TRMT11: variants seen among roughly 807,000 people sequenced by gnomAD.
The protein encoded by TRMT11 is tRNA methyltransferase 11, also known as tRNA (guanine(10)-N(2))-methyltransferase TRMT11.
Under a neutral mutation model 62.8 loss-of-function variants are expected in TRMT11, and 53 were observed. The ratio of observed to expected loss-of-function variants is 0.84; its 90% CI spans 0.68 to 1.06. The LOEUF (loss-of-function observed/expected upper bound fraction) is 1.06. Ranked by LOEUF, TRMT11 falls within the 50% of genes least tolerant of loss-of-function variation. TRMT11 has a pLI of 0.00. For synonymous variants in TRMT11, 188 were observed against 190.3 expected, an observed-to-expected ratio of 0.99 and a Z score of 0.10; for missense variants, 556 against 553.4, an observed-to-expected ratio of 1.00 and a Z score of -0.05.
At chr6:126,226,543 T>C in the TRMT11 span, among the ~76,000 whole-genome samples, 7 of 152,154 alleles carry the variant, frequency 4.6e-5, no homozygotes, top group African/African-American at 1.7e-4. Flanking sequence ...AATTTCTATA[T>C]GGAAATGATT....
intron 17 of TRMT11, among the ~76,000 whole-genome samples, chr6:126,096,460 T>C (rs919515737): frequency 3.9e-5 from 6 of 152,326 alleles, no homozygotes; most frequent in Admixed American, 2.6e-4. Flanking sequence ...CAGATTGAAG[T>C]TGGACTCCAG....
intron 1 of TRMT11, among the ~76,000 whole-genome samples, chr6:125,988,930 G>C (rs1218276024): frequency 1.3e-5 from 2 of 152,150 alleles, no homozygotes; most frequent in South Asian, 4.1e-4. Flanking sequence ...CAAAGGACAT[G>C]TTCTGTTGGT....
At chr6:126,046,049 G>A (rs984639495) in intron 16 of TRMT11, among the ~76,000 whole-genome samples, 4 of 152,016 alleles carry the variant, frequency 2.6e-5, no homozygotes, top group South Asian at 2.1e-4. Context: ...TGAGTTTACC[G>A]TTCTGATGAA....
the TRMT11 span, among the ~76,000 whole-genome samples, chr6:126,257,491 T>C: frequency 1.3e-5 from 2 of 152,070 alleles, no homozygotes; most frequent in Non-Finnish European, 2.9e-5. Context: ...TTATCCAGTT[T>C]TGAAATCAAC....
chr6:126,006,173 C>G (rs1281914532), intron 7 of TRMT11, among the ~76,000 whole-genome samples: 1 of 151,936 alleles, frequency 6.6e-6, no homozygotes, highest in Non-Finnish European at 1.5e-5. Flanking sequence ...CATGGTTCGT[C>G]TAGTAGGAGT....
chr6:126,126,118 G>A (rs1295019360), intron 21 of TRMT11, among the ~76,000 whole-genome samples: 2 of 151,974 alleles, frequency 1.3e-5, no homozygotes, highest in African/African-American at 4.8e-5. Flanking sequence ...TATTTGTCTG[G>A]CCTTTATGGG....
intron 7 of TRMT11, among the ~76,000 whole-genome samples, chr6:126,001,785 C>G (rs1792533371): frequency 6.6e-6 from 1 of 151,910 alleles, no homozygotes; most frequent in African/African-American, 2.4e-5. Flanking sequence ...GATGATTTTC[C>G]AACTCCAGTG....
intron 6 of TRMT11, 128 bp downstream of exon 6, chr6:125,998,812 G>C: frequency 2.4e-6 from 2 of 845,212 alleles, no homozygotes; most frequent in Admixed American, 5.2e-5. Flanking sequence ...GATTAAAATT[G>C]GTGAAGAGTA....
rs1791964144 is a variant in TRMT11 at position 125,998,495 on chromosome 6, C to A, written c.388-55C>A. ...ACAAGGTAATGTTATTAGATAAGCG[C>A]CATTTTTCATTGTAAATTATTATAA... On this transcript the variant is annotated intron_variant, in intron 5 of 12. Coordinates refer to ENST00000334379, the MANE Select transcript of TRMT11 (RefSeq NM_001031712.3). 3 of 1,554,116 alleles carry A rather than the reference C, an allele frequency of 1.9e-6. No individual in the cohort carries two copies. In the East Asian group the frequency reaches 6.7e-5, roughly 35 times the overall value.
At chr6:126,243,452 T>A in the TRMT11 span, among the ~76,000 whole-genome samples, 1 of 152,048 alleles carries the variant, frequency 6.6e-6, no homozygotes, top group Non-Finnish European at 1.5e-5. Context: ...CCCAAAGGAG[T>A]ATAAATCATG....
Position 126,022,238 on chromosome 6 carries a change from G to A in TRMT11, c.1260+958G>A, listed in dbSNP as rs548533925. Among the ~76,000 whole-genome samples the A allele has an allele frequency of 2.0e-5, 3 of 151,394 alleles. No individual in the cohort carries two copies. The East Asian group carries it at 5.8e-4, about 29-fold the overall frequency. ...TTTTTTTTGTATTTTTAATAGAGAC[G>A]GGGTTTTACCATGTTGGCCAGGCTG... On this transcript the variant is annotated intron_variant, in intron 12 of 12. Transcript: ENST00000334379.
At chr6:126,095,600 C>T (rs1197624349) in intron 17 of TRMT11, among the ~76,000 whole-genome samples, 1 of 152,190 alleles carries the variant, frequency 6.6e-6, no homozygotes, top group Non-Finnish European at 1.5e-5. Flanking sequence ...TGCTAGGCTT[C>T]ATACATTCAA....
chr6:126,034,298 A>G (rs1774763069), intron 12 of TRMT11, among the ~76,000 whole-genome samples: 1 of 152,282 alleles, frequency 6.6e-6, no homozygotes, highest in South Asian at 2.1e-4. Flanking sequence ...CTGCAAAAAG[A>G]TACGGAAAAT....
intron 7 of TRMT11, among the ~76,000 whole-genome samples, chr6:126,003,377 C>T (rs907028750): frequency 6.6e-6 from 1 of 151,982 alleles, no homozygotes; most frequent in Non-Finnish European, 1.5e-5. Context: ...AAGATTGGAC[C>T]CCTCTGTCCT....
the TRMT11 span, among the ~76,000 whole-genome samples, chr6:126,222,874 C>T: frequency 6.6e-5 from 10 of 151,394 alleles, no homozygotes; most frequent in Non-Finnish European, 1.2e-4. Flanking sequence ...CTTGTTGTTA[C>T]CTGGTTCCTA....
chr6:126,227,890 G>A, the TRMT11 span, among the ~76,000 whole-genome samples: 1 of 152,212 alleles, frequency 6.6e-6, no homozygotes, highest in African/African-American at 2.4e-5. Context: ...AAAGACAACT[G>A]AGAATAAGGT....
At chr6:126,056,783 T>C (rs1430366576) in intron 17 of TRMT11, among the ~76,000 whole-genome samples, 1 of 152,186 alleles carries the variant, frequency 6.6e-6, no homozygotes, top group African/African-American at 2.4e-5. Context: ...TGCGGTTAAA[T>C]GTGCATGTGT....
chr6:126,052,442 A>G (rs1776246199), intron 16 of TRMT11, among the ~76,000 whole-genome samples: 2 of 152,204 alleles, frequency 1.3e-5, no homozygotes, highest in African/African-American at 2.4e-5. Flanking sequence ...CAACATAAAA[A>G]TTACAGAGTA....
At chr6:126,132,003 A>T (rs1010310225) in intron 21 of TRMT11, among the ~76,000 whole-genome samples, 1 of 152,010 alleles carries the variant, frequency 6.6e-6, no homozygotes, top group Non-Finnish European at 1.5e-5. Context: ...CTTCAAATGT[A>T]ATTTGGGAGA....
Sources: gnomAD v4.1 joint callset for allele counts (sites outside exome capture counted in the v4.1 genomes callset) on GRCh38, gnomAD v4.1.1 for gene constraint, MANE v1.5 for transcripts, NCBI Gene and HGNC (gene_info 2026-07-23, HGNC 2026-07-21) for gene names.